The following RFPL1 variants were observed in gnomAD, a reference collection of about 807,000 sequenced individuals.
RFPL1 encodes the protein ret finger protein like 1, also known as ret finger protein-like 1.
A neutral mutation model predicts 9.6 loss-of-function variants in RFPL1; 6 were observed. The observed-to-expected ratio is 0.62, with a 90% confidence interval of 0.34 to 1.23. The LOEUF is 1.23. Among genes scored for constraint, RFPL1 ranks in the 50% most tolerant of loss-of-function variants. The pLI is 0.03. For missense variants in RFPL1, 352 were observed against 398.4 expected (o/e 0.88, Z 0.99); for synonymous variants, 145 against 149.4 (o/e 0.97, Z 0.22).
chr22:29,414,091 T>C, the RFPL1 span, among the ~76,000 whole-genome samples: 3 of 152,264 alleles, frequency 2.0e-5, no homozygotes, highest in African/African-American at 7.2e-5. Flanking sequence ...TAACACTTTT[T>C]TTCATGACTT....
the RFPL1 span, chr22:29,423,211 G>A: frequency 1.7e-6 from 2 of 1,195,594 alleles, no homozygotes; most frequent in South Asian, 2.4e-5. Context: ...GAAGAGAGGG[G>A]TGACTTTCAG....
At chr22:29,411,879 T>C in the RFPL1 span, among the ~76,000 whole-genome samples, 1 of 152,158 alleles carries the variant, frequency 6.6e-6, no homozygotes, top group Non-Finnish European at 1.5e-5. Flanking sequence ...TTCTTATGTT[T>C]AGTATTTTGT....
upstream of RFPL1, chr22:29,437,397 G>A (rs1457565748): frequency 1.0e-5 from 5 of 480,146 alleles, no homozygotes; most frequent in Non-Finnish European, 1.8e-5. Context: ...ACTGACAACT[G>A]ATGGAAACAT....
chr22:29,426,953 G>A, the RFPL1 span, among the ~76,000 whole-genome samples: 2 of 152,174 alleles, frequency 1.3e-5, no homozygotes, highest in Non-Finnish European at 2.9e-5. Flanking sequence ...AGACGAACGT[G>A]GTTCTCTTTG....
chr22:29,441,891 G>A (rs139375110), exon 2 of RFPL1: 2 of 1,613,000 alleles, frequency 1.2e-6, no homozygotes, highest in African/African-American at 2.7e-5. Context: ...TAGACCGCAA[G>A]TTACAGCGAG....
chr22:29,423,840 C>T, the RFPL1 span, among the ~76,000 whole-genome samples: 1 of 152,168 alleles, frequency 6.6e-6, no homozygotes, highest in Admixed American at 6.5e-5. Context: ...CCCAAATCTA[C>T]CTGGCCAAAT....
chr22:29,424,835 C>CA, the RFPL1 span, among the ~76,000 whole-genome samples: 6 of 77,976 alleles, frequency 7.7e-5, no homozygotes, highest in Non-Finnish European at 1.3e-4. Context: ...TCCCTCCCAC[C>CA]CCCCCCCCCG....
At chr22:29,415,404 C>A in the RFPL1 span, among the ~76,000 whole-genome samples, 1 of 152,238 alleles carries the variant, frequency 6.6e-6, no homozygotes, top group Non-Finnish European at 1.5e-5. Flanking sequence ...GGTGTTCAGC[C>A]ACTGCACTGA....
chr22:29,419,466 T>C, the RFPL1 span, among the ~76,000 whole-genome samples: 1 of 151,946 alleles, frequency 6.6e-6, no homozygotes, highest in African/African-American at 2.4e-5. Flanking sequence ...TGGAAACTTG[T>C]AGGCCGGGTG....
chr22:29,396,693 G>A, the RFPL1 span, among the ~76,000 whole-genome samples: 1 of 152,048 alleles, frequency 6.6e-6, no homozygotes, highest in East Asian at 1.9e-4. Flanking sequence ...AGTTCAGGCT[G>A]GTCTCGAACT....
the RFPL1 span, among the ~76,000 whole-genome samples, chr22:29,398,696 G>A: frequency 6.6e-6 from 1 of 152,224 alleles, no homozygotes; most frequent in Non-Finnish European, 1.5e-5. Context: ...GGTGCACAAA[G>A]AACACACCGT....
the RFPL1 span, among the ~76,000 whole-genome samples, chr22:29,421,952 A>G: frequency 2.4e-4 from 36 of 152,226 alleles, no homozygotes; most frequent in South Asian, 1.0e-3. Context: ...AATGCCTGAT[A>G]AGGGGCAGAC....
the RFPL1 span, among the ~76,000 whole-genome samples, chr22:29,388,872 C>T: frequency 2.0e-5 from 3 of 152,080 alleles, no homozygotes; most frequent in South Asian, 6.2e-4. Flanking sequence ...CAAGGTCACT[C>T]ATTTTTTGTT....
At chr22:29,389,603 G>A in the RFPL1 span, among the ~76,000 whole-genome samples, 43,973 of 143,738 alleles carry the variant, frequency 0.31, 7,112 homozygotes, top group East Asian at 0.67. Context: ...GGAGAATGGC[G>A]TGAACCCGGG....
the RFPL1 span, among the ~76,000 whole-genome samples, chr22:29,402,563 G>A: frequency 6.6e-6 from 1 of 152,092 alleles, no homozygotes; most frequent in Non-Finnish European, 1.5e-5. Flanking sequence ...ACGCTTTATC[G>A]AGAGTGGGAC....
At chr22:29,407,609 T>C in the RFPL1 span, among the ~76,000 whole-genome samples, 32 of 152,018 alleles carry the variant, frequency 2.1e-4, no homozygotes, top group African/African-American at 7.7e-4. Flanking sequence ...ATTCAGATGA[T>C]CTATTTCTCC....
the RFPL1 span, among the ~76,000 whole-genome samples, chr22:29,416,067 C>T: frequency 4.6e-5 from 7 of 152,312 alleles, no homozygotes; most frequent in East Asian, 3.9e-4. Context: ...GTTACCACAA[C>T]CCTATAATGT....
At chr22:29,419,669 G>C in the RFPL1 span, among the ~76,000 whole-genome samples, 152 of 151,820 alleles carry the variant, frequency 1.0e-3, no homozygotes, top group African/African-American at 3.6e-3. Flanking sequence ...GCGATTTTTT[G>C]GTGCAAGCCT....
upstream of RFPL1, chr22:29,437,310 G>A (rs1157137384): frequency 4.1e-6 from 1 of 245,728 alleles, no homozygotes; most frequent in Non-Finnish European, 7.8e-6. Context: ...TTGTAAAATT[G>A]CAAATCCAAT....
Sources: allele counts gnomAD v4.1 joint callset (sites outside exome capture counted in the v4.1 genomes callset), GRCh38; gene constraint gnomAD v4.1.1; transcripts MANE v1.5; gene names NCBI Gene and HGNC (gene_info 2026-07-23, HGNC 2026-07-21).